GADL1: variants seen among roughly 807,000 people sequenced by gnomAD.
GADL1 encodes acidic amino acid decarboxylase GADL1.
A neutral mutation model predicts 69.5 loss-of-function variants in GADL1; 71 were observed. The observed-to-expected ratio is 1.02, with a 90% CI of 0.84 to 1.25. The LOEUF is 1.25. GADL1 is among the 50% of genes most tolerant of loss of function. The pLI is 0.00. For missense variants in GADL1, 737 were observed against 631.8 expected (o/e 1.17, Z -1.79); for synonymous variants, 254 against 214.4 (o/e 1.18, Z -1.62).
At position 30,826,720 on chromosome 3, in the gene GADL1, C is replaced by A. The variant is rs1019697015; in HGVS notation, c.1050+7133G>T. Among the ~76,000 whole-genome samples, 5 of 150,980 alleles carry A rather than the reference C, an allele frequency of 3.3e-5. No homozygotes were observed. In the East Asian group the frequency reaches 5.9e-4, roughly 18 times the overall value. On this transcript the variant is annotated intron_variant, in intron 11 of 14. Coordinates refer to ENST00000282538, the MANE Select transcript of GADL1 (RefSeq NM_207359.3). ...AGGGGTCAAGAGAGGACCCAGGGAGCCTTAGAAAAGCAAGTATCTCTTCTA... is the reference window on the plus strand; with the variant it reads ...AGGGGTCAAGAGAGGACCCAGGGAGACTTAGAAAAGCAAGTATCTCTTCTA...
intron 14 of GADL1, among the ~76,000 whole-genome samples, chr3:30,751,188 G>A (rs1334807047): frequency 6.6e-6 from 1 of 151,984 alleles, no homozygotes; most frequent in Non-Finnish European, 1.5e-5. Context: ...CTCTGATTGA[G>A]GGCCAAGCCT....
chr3:30,875,657 C>T (rs1029135989), intron 1 of GADL1, among the ~76,000 whole-genome samples: 1 of 151,844 alleles, frequency 6.6e-6, no homozygotes, highest in Non-Finnish European at 1.5e-5. Context: ...TGGGCACATA[C>T]TTCACATATT....
intron 1 of GADL1, among the ~76,000 whole-genome samples, chr3:30,890,246 C>A (rs1402517518): frequency 2.6e-5 from 4 of 152,136 alleles, no homozygotes; most frequent in Non-Finnish European, 4.4e-5. Context: ...TCTTGTCACT[C>A]TAAATCATTC....
At chr3:30,824,807 C>T (rs749088506) in intron 11 of GADL1, among the ~76,000 whole-genome samples, 23 of 151,798 alleles carry the variant, frequency 1.5e-4, no homozygotes, top group African/African-American at 4.6e-4. Flanking sequence ...GAAAGAAACA[C>T]GTGAAGATCT....
intron 12 of GADL1, chr3:30,800,464 GAC>G (rs985901190): frequency 5.3e-4 from 96 of 182,826 alleles, no homozygotes; most frequent in African/African-American, 2.1e-3. Flanking sequence ...TCTGGGTGGG[GAC>G]ACAGAGTCAA....
chr3:30,886,527 G>A (rs992800567), intron 1 of GADL1, among the ~76,000 whole-genome samples: 1 of 152,132 alleles, frequency 6.6e-6, no homozygotes, highest in African/African-American at 2.4e-5. Context: ...AAGGGATGGG[G>A]AGTGGGGTGG....
intron 14 of GADL1, among the ~76,000 whole-genome samples, chr3:30,772,384 T>A (rs1295283199): frequency 6.6e-6 from 1 of 152,186 alleles, no homozygotes; most frequent in African/African-American, 2.4e-5. Flanking sequence ...AAATAAGAAA[T>A]ATTCTACATC....
chr3:30,880,291 G>A (rs150640501), intron 1 of GADL1, among the ~76,000 whole-genome samples: 6 of 151,966 alleles, frequency 3.9e-5, no homozygotes, highest in African/African-American at 1.4e-4. Context: ...GATGTGCACA[G>A]GTTATATGCT....
intron 11 of GADL1, among the ~76,000 whole-genome samples, chr3:30,812,485 A>G (rs965491859): frequency 6.6e-6 from 1 of 152,186 alleles, no homozygotes; most frequent in African/African-American, 2.4e-5. Context: ...TCCCCTTTCT[A>G]AAACCATCAG....
At chr3:30,769,647 C>A (rs1344858619) in intron 14 of GADL1, among the ~76,000 whole-genome samples, 1 of 152,184 alleles carries the variant, frequency 6.6e-6, no homozygotes, top group Non-Finnish European at 1.5e-5. Context: ...CCATCTAGTT[C>A]TTGGAATCCG....
intron 12 of GADL1, among the ~76,000 whole-genome samples, chr3:30,794,817 T>A (rs540733792): frequency 6.6e-6 from 1 of 152,318 alleles, no homozygotes; most frequent in African/African-American, 2.4e-5. Context: ...GGTGCAGTGA[T>A]CATTGGTCTA....
At chr3:30,767,281 G>A (rs1023405142) in intron 14 of GADL1, among the ~76,000 whole-genome samples, 3 of 151,960 alleles carry the variant, frequency 2.0e-5, no homozygotes, top group East Asian at 1.9e-4. Context: ...AACTTAAAGA[G>A]TTCTAAAACA....
At chr3:30,835,517 C>CT (rs200997305) in intron 9 of GADL1, among the ~76,000 whole-genome samples, 1 of 152,064 alleles carries the variant, frequency 6.6e-6, no homozygotes, top group Non-Finnish European at 1.5e-5. Flanking sequence ...GCACAAGCAA[C>CT]TTTGTGGCCT....
At chr3:30,844,670 A>C (rs1698026234) in intron 6 of GADL1, among the ~76,000 whole-genome samples, 1 of 152,212 alleles carries the variant, frequency 6.6e-6, no homozygotes, top group Admixed American at 6.5e-5. Flanking sequence ...TTGAACGTCA[A>C]GTATTCCAGT....
chr3:30,735,785 T>A (rs955907887), intron 14 of GADL1, among the ~76,000 whole-genome samples: 2 of 152,186 alleles, frequency 1.3e-5, no homozygotes, highest in Middle Eastern at 3.4e-3. Context: ...AGAAGGCATT[T>A]TGAACATGGT....
At chr3:30,866,818 C>G (rs1486793077) in intron 1 of GADL1, among the ~76,000 whole-genome samples, 1 of 151,986 alleles carries the variant, frequency 6.6e-6, no homozygotes, top group Non-Finnish European at 1.5e-5. Flanking sequence ...GATTATAAAC[C>G]TACAGAAAAA....
At chr3:30,783,759 G>A (rs1696725985) in intron 13 of GADL1, among the ~76,000 whole-genome samples, 2 of 152,020 alleles carry the variant, frequency 1.3e-5, no homozygotes, top group Admixed American at 6.6e-5. Flanking sequence ...TCCCACAGAT[G>A]AAAAAATCCA....
chr3:30,843,944 T>A (rs1698011487), intron 8 of GADL1, among the ~76,000 whole-genome samples: 1 of 152,228 alleles, frequency 6.6e-6, no homozygotes, highest in Admixed American at 6.5e-5. Context: ...ATACGGGTGA[T>A]TTCAGTGTTT....
chr3:30,797,573 C>T (rs960915147), intron 12 of GADL1: 9 of 152,104 alleles, frequency 5.9e-5, no homozygotes, highest in South Asian at 2.1e-4. Context: ...AGAAACTTGC[C>T]CCAGTCACAC....
Sources: allele counts gnomAD v4.1 joint callset (sites outside exome capture counted in the v4.1 genomes callset), GRCh38; gene constraint gnomAD v4.1.1; transcripts MANE v1.5; gene names NCBI Gene and HGNC (gene_info 2026-07-23, HGNC 2026-07-21).